ARID4B: variants seen among roughly 807,000 people sequenced by gnomAD.
ARID4B encodes AT-rich interactive domain-containing protein 4B.
Under a neutral mutation model 147.5 loss-of-function variants are expected in ARID4B, and 26 were observed. The observed-to-expected ratio is 0.18, with a 90% CI of 0.13 to 0.24. The LOEUF (loss-of-function observed/expected upper bound fraction) is 0.24. ARID4B is among the 10% of genes least tolerant of loss of function. ARID4B has a pLI of 1.00. For synonymous variants in ARID4B, 512 were observed against 507.9 expected (o/e 1.01, Z -0.11); for missense variants, 1,179 against 1,511.5 (o/e 0.78, Z 3.65).
At chr1:235,180,853 CTGAA>C (rs1329883595) in intron 20 of ARID4B, 1 of 154,160 alleles carries the variant, frequency 6.5e-6, no homozygotes, top group African/African-American at 2.4e-5. Context: ...TTAAAGATAC[CTGAA>C]TGAAGTGGTT....
intron 2 of ARID4B, among the ~76,000 whole-genome samples, chr1:235,302,153 GAA>G (rs749154889): frequency 0.013 from 395 of 30,664 alleles, 2 homozygotes; most frequent in African/African-American, 0.045. Flanking sequence ...TCAAAAAACG[GAA>G]AAAAAAAAAA....
At chr1:235,184,132 T>C (rs187444781) in intron 19 of ARID4B, among the ~76,000 whole-genome samples, 1 of 152,308 alleles carries the variant, frequency 6.6e-6, no homozygotes, top group East Asian at 1.9e-4. Context: ...AATCAATGAT[T>C]TCCATGATGT....
intron 2 of ARID4B, among the ~76,000 whole-genome samples, chr1:235,262,897 A>G (rs913455372): frequency 2.6e-5 from 4 of 152,246 alleles, no homozygotes; most frequent in Non-Finnish European, 4.4e-5. Context: ...TGGTAATCAT[A>G]AAATGTACAT....
At chr1:235,308,632 G>A (rs1247394344) in intron 2 of ARID4B, among the ~76,000 whole-genome samples, 2 of 152,030 alleles carry the variant, frequency 1.3e-5, no homozygotes, top group Non-Finnish European at 2.9e-5. Context: ...GCGCTGCCAC[G>A]CCTGACTGGT....
rs202186650 is a variant in ARID4B, at chr1:235,175,202, T to G, written c.3646A>C (p.Lys1216Gln). Residue 1216 changes from lysine (K) to glutamine (Q), a missense_variant, in exon 22 of 24, where the codon AAA (lysine) becomes CAA (glutamine). Lys to Gln is a moderately conservative substitution (Grantham distance 53). Around this residue, in one of 10 missense-constraint regions of ARID4B, gnomAD observed 357 missense variants for 427.3 expected, o/e 0.84. Transcript: ENST00000264183. ...CACTTACACATCTGAAAACTCCATT[T>G]GTAAACTTTGGGTAATCGATTACTG... ...EPSNRLPKVYKWSFQMSDLEN... is the reference protein window; with the variant it reads ...EPSNRLPKVYQWSFQMSDLEN... The G allele has an allele frequency of 1.1e-4, 176 of 1,613,988 alleles. No individual in the cohort carries two copies. Among genetic ancestry groups the G allele is most frequent in the Non-Finnish European group, 1.5e-4 (175 of 1,179,924 alleles).
chr1:235,267,614 C>T (rs1670687562), intron 2 of ARID4B, among the ~76,000 whole-genome samples: 2 of 152,128 alleles, frequency 1.3e-5, no homozygotes, highest in Non-Finnish European at 2.9e-5. Context: ...GGGTGGATCA[C>T]GAGGTCAGGA....
intron 3 of ARID4B, 108 bp from the exon 4 acceptor site, chr1:235,257,333 C>A (rs1290513552): frequency 2.8e-6 from 2 of 720,148 alleles, no homozygotes; most frequent in Non-Finnish European, 4.8e-6. Context: ...TAATAGCTGC[C>A]TAGTTTATAC....
chr1:235,223,684 C>CTTTTT (rs149769753), intron 12 of ARID4B, among the ~76,000 whole-genome samples: 17 of 117,140 alleles, frequency 1.5e-4, no homozygotes, highest in Middle Eastern at 4.5e-3. Flanking sequence ...AGTAAAGCTA[C>CTTTTT]ATTTTTTTTT....
rs1194282705 is a variant in ARID4B at position 235,250,138 on chromosome 1, TAAA to T, written c.354+2589_354+2591del. On this transcript the variant is annotated intron_variant, in intron 6 of 23. Coordinates refer to ENST00000264183, the MANE Select transcript of ARID4B (RefSeq NM_016374.6). ...TAATAATAATAATAATAAAATAAAA[TAAA>T]AAGATAAACTGACTGAAGTGCAAAT... Among the ~76,000 whole-genome samples, 17 of 151,710 alleles carry T rather than the reference TAAA, an allele frequency of 1.1e-4. No homozygotes were observed. In the South Asian group the frequency reaches 3.3e-3, roughly 30 times the overall value.
chr1:235,233,820 G>A (rs761621002), intron 9 of ARID4B, among the ~76,000 whole-genome samples: 3 of 152,178 alleles, frequency 2.0e-5, no homozygotes, highest in African/African-American at 2.4e-5. Flanking sequence ...GATGGCTCAC[G>A]CCTATAATCC....
rs549762880 is a variant in ARID4B at position 235,171,710 on chromosome 1, G to A, written c.3811+908C>T. ...GCTGGAGTGCAATGGCATGATCTCC[G>A]TTCACTGCAACATCTGCCTCCTGGG... On this transcript the variant is annotated intron_variant, in intron 23 of 23. Coordinates refer to ENST00000264183, the MANE Select transcript of ARID4B (RefSeq NM_016374.6). 4.4e-3 allele frequency among the ~76,000 whole-genome samples: 670 copies of A among 151,840 alleles called. 3 individuals carry two copies. Among genetic ancestry groups the A allele is most frequent in the Middle Eastern group, 0.01 (3 of 294 alleles).
intron 6 of ARID4B, among the ~76,000 whole-genome samples, chr1:235,248,270 G>A (rs7525527): frequency 3.3e-5 from 5 of 151,888 alleles, no homozygotes; most frequent in African/African-American, 4.8e-5. Flanking sequence ...GGCTGGTCTC[G>A]AACTCCTGGG....
chr1:235,248,604 A>C (rs940603457), intron 6 of ARID4B, among the ~76,000 whole-genome samples: 2 of 152,236 alleles, frequency 1.3e-5, no homozygotes, highest in Non-Finnish European at 2.9e-5. Context: ...TTTATATCAC[A>C]CAGTGTGATT....
intron 17 of ARID4B, among the ~76,000 whole-genome samples, chr1:235,196,412 C>T (rs1665491936): frequency 6.6e-6 from 1 of 152,180 alleles, no homozygotes; most frequent in Non-Finnish European, 1.5e-5. Flanking sequence ...TGAATCTGTA[C>T]AGTAAGTATT....
intron 6 of ARID4B, among the ~76,000 whole-genome samples, chr1:235,247,000 T>G (rs1232201312): frequency 6.6e-6 from 1 of 152,176 alleles, no homozygotes; most frequent in African/African-American, 2.4e-5. Context: ...GTAAGTTATA[T>G]TACTACTCTG....
chr1:235,217,752 A>C (rs1442884449), intron 16 of ARID4B, among the ~76,000 whole-genome samples: 2 of 152,192 alleles, frequency 1.3e-5, no homozygotes, highest in African/African-American at 4.8e-5. Flanking sequence ...ACTTAGAGAA[A>C]GTTTATATGC....
chr1:235,180,959 C>T (rs559014845), intron 20 of ARID4B: 5 of 268,786 alleles, frequency 1.9e-5, no homozygotes, highest in African/African-American at 6.9e-5. Context: ...CCACTTTTAA[C>T]AATTTCACGG....
chr1:235,296,989 G>T (rs1379994115), intron 2 of ARID4B, among the ~76,000 whole-genome samples: 2 of 151,930 alleles, frequency 1.3e-5, no homozygotes, highest in Non-Finnish European at 2.9e-5. Flanking sequence ...GAAAACCAGG[G>T]CTACTTGTTC....
intron 3 of ARID4B, among the ~76,000 whole-genome samples, chr1:235,258,261 G>A (rs1670103722): frequency 6.6e-6 from 1 of 152,168 alleles, no homozygotes; most frequent in Non-Finnish European, 1.5e-5. Context: ...GAACCAGGGA[G>A]GTGGAGGTTG....
Sources: gnomAD v4.1 joint callset for allele counts (sites outside exome capture counted in the v4.1 genomes callset) on GRCh38, gnomAD v4.1.1 for gene constraint, gnomAD v4.1.1 regional missense constraint, MANE v1.5 for transcripts, NCBI Gene and HGNC (gene_info 2026-07-23, HGNC 2026-07-21) for gene names.